Variants in SCN1A observed in about 807,000 individuals in gnomAD.
The protein encoded by SCN1A is sodium voltage-gated channel alpha subunit 1.
SCN1A carries 13 observed loss-of-function variants against 193.7 expected under a neutral mutation model. The observed-to-expected ratio is 0.07, with a 90% CI of 0.04 to 0.11. The LOEUF (loss-of-function observed/expected upper bound fraction) is 0.11. SCN1A is among the 10% of genes least tolerant of loss of function. The pLI is 1.00. For synonymous variants in SCN1A, 781 were observed against 843.6 expected, an observed-to-expected ratio of 0.93 and a Z score of 1.29; for missense variants, 1,432 against 2,451.1, an observed-to-expected ratio of 0.58 and a Z score of 8.78.
rs923771362 is a variant in SCN1A at position 166,087,363 on chromosome 2, G to A, written c.-141-9562C>T. On this transcript the variant is annotated intron_variant, in intron 2 of 28. Transcript: ENST00000674923. The stretch of plus-strand genomic sequence containing the variant: ...TGCCTATAATCCCAGCTACTTGGGA[G>A]GATGAGGCAGGAGAATCGCTTGAAC... Among the ~76,000 whole-genome samples, 6 of 152,102 alleles carry A rather than the reference G, an allele frequency of 3.9e-5. No homozygotes were observed. The East Asian group carries it at 9.6e-4, about 24-fold the overall frequency.
At chr2:166,059,106 G>C (rs367641266) in intron 4 of SCN1A, among the ~76,000 whole-genome samples, 1 of 151,976 alleles carries the variant, frequency 6.6e-6, no homozygotes, top group Non-Finnish European at 1.5e-5. Context: ...CCTGTGGAAC[G>C]CAAAATCATT....
chr2:166,050,426 A>G (rs1372344206), intron 9 of SCN1A, among the ~76,000 whole-genome samples: 1 of 151,076 alleles, frequency 6.6e-6, no homozygotes, highest in African/African-American at 2.4e-5. Context: ...ATGCAGTCCA[A>G]TAAATTTTCC....
chr2:166,055,815 A>G (rs1015873999), intron 6 of SCN1A, among the ~76,000 whole-genome samples: 1 of 151,974 alleles, frequency 6.6e-6, no homozygotes, highest in Non-Finnish European at 1.5e-5. Context: ...TCATCAATAT[A>G]GTTAGTAATG....
intron 9 of SCN1A, among the ~76,000 whole-genome samples, chr2:166,049,279 G>T (rs1191223696): frequency 6.6e-6 from 1 of 151,822 alleles, no homozygotes; most frequent in Non-Finnish European, 1.5e-5. Context: ...CTTTCAAAAA[G>T]GTATTAGCAT....
At position 166,012,135 on chromosome 2, in the gene SCN1A, A is replaced by C; in HGVS notation, c.3853T>G (p.Cys1285Gly). Residue 1285 changes from cysteine (C) to glycine (G), a missense_variant, in exon 22 of 29, where the codon TGT becomes GGT. By Grantham distance (159) the Cys-to-Gly change is radical. Transcript: ENST00000674923. ...GYQTYFTNAW[C>G]WLDFLIVDVS... ...TCAACAATTAAGAAGTCCAGCCAAC[A>C]CCAGGCATTGGTGAAATATGTTTGA... 1 of 1,610,228 alleles carries C rather than the reference A, an allele frequency of 6.2e-7. No individual in the cohort carries two copies. The highest frequency in any genetic ancestry group is 8.5e-7 in the Non-Finnish European group (1 of 1,177,200).
intron 19 of SCN1A, among the ~76,000 whole-genome samples, chr2:166,035,403 T>C (rs1696191900): frequency 6.6e-6 from 1 of 152,198 alleles, no homozygotes; most frequent in South Asian, 2.1e-4. Context: ...ATCAGTCATT[T>C]CCGAGTTAAA....
chr2:166,050,757 G>A (rs933438337), intron 9 of SCN1A, among the ~76,000 whole-genome samples: 7 of 149,946 alleles, frequency 4.7e-5, no homozygotes, highest in African/African-American at 1.5e-4. Flanking sequence ...AGGATTATAG[G>A]TGTGAGCCAC....
At chr2:166,023,934 C>T (rs1417089097) in intron 19 of SCN1A, among the ~76,000 whole-genome samples, 2 of 152,076 alleles carry the variant, frequency 1.3e-5, no homozygotes, top group East Asian at 3.9e-4. Context: ...TGCCACCATG[C>T]CTGGCTAATT....
intron 20 of SCN1A, among the ~76,000 whole-genome samples, chr2:166,014,938 A>AT (rs1217989253): frequency 6.6e-6 from 1 of 151,796 alleles, no homozygotes; most frequent in African/African-American, 2.4e-5. Flanking sequence ...TGAAAAGGAC[A>AT]TTAAGTGATA....
intron 9 of SCN1A, among the ~76,000 whole-genome samples, chr2:166,050,010 G>T (rs1698343101): frequency 6.6e-6 from 1 of 151,946 alleles, no homozygotes; most frequent in Non-Finnish European, 1.5e-5. Context: ...ACATAGTTCT[G>T]TACAGGACAC....
At chr2:166,010,184 G>A (rs1353475924) in intron 22 of SCN1A, among the ~76,000 whole-genome samples, 2 of 150,872 alleles carry the variant, frequency 1.3e-5, no homozygotes, top group East Asian at 1.9e-4. Context: ...ATTTTATTAA[G>A]TTGCTGTTGA....
intron 17 of SCN1A, among the ~76,000 whole-genome samples, chr2:166,038,571 C>G (rs1696758902): frequency 3.3e-5 from 5 of 152,066 alleles, no homozygotes; most frequent in Admixed American, 3.3e-4. Flanking sequence ...CTCCTGACCT[C>G]AAGTGATCCA....
chr2:166,143,357 G>A (rs1246858372), intron 1 of SCN1A, among the ~76,000 whole-genome samples: 3 of 151,780 alleles, frequency 2.0e-5, no homozygotes, highest in Non-Finnish European at 2.9e-5. Flanking sequence ...TAATAGAGAC[G>A]GGGTTTCACT....
chr2:165,989,032 G>GTGTA lies in SCN1A; in HGVS notation c.*2212_*2213insTACA, dbSNP rs1368201068. 2.9e-4 allele frequency: 5 copies of GTGTA among 17,270 alleles called. No individual in the cohort carries two copies. In the Admixed American group the frequency reaches 4.0e-3, roughly 14 times the overall value. 1.1% of individuals were successfully genotyped at this position (17,270 alleles called of 1,614,324 possible). On this transcript the variant is annotated 3_prime_UTR_variant, in exon 29 of 29. Coordinates refer to ENST00000674923, the MANE Select transcript of SCN1A (RefSeq NM_001165963.4). ...GTTGTCAACGTGGGTATGCCTCTGT[G>GTGTA]TGTGTGTGTGTGTGTGTGTGTGTGT...
intron 19 of SCN1A, among the ~76,000 whole-genome samples, chr2:166,032,971 G>A (rs75271254): frequency 6.6e-6 from 1 of 152,062 alleles, no homozygotes; most frequent in African/African-American, 2.4e-5. Context: ...CTTCAGAATG[G>A]TTTTATTAAG....
intron 26 of SCN1A, among the ~76,000 whole-genome samples, chr2:165,997,634 G>T (rs990678885): frequency 2.0e-5 from 3 of 151,366 alleles, no homozygotes; most frequent in African/African-American, 7.3e-5. Flanking sequence ...CTTACATCCA[G>T]TGCCTAATTT....
At chr2:166,015,907 T>G in intron 19 of SCN1A, 180 bp from the exon 20 acceptor site, 1 of 638,950 alleles carries the variant, frequency 1.6e-6, no homozygotes, top group East Asian at 3.0e-5. Flanking sequence ...TGCTAACCCT[T>G]TTACCATAAT....
Position 165,986,752 on chromosome 2 carries a change from A to G in SCN1A, c.*4493T>C, listed in dbSNP as rs1688638799. The stretch of plus-strand genomic sequence containing the variant: ...AAGACACACACACATCTATACTTTT[A>G]TCTATGTCTGTTTACATACATACAT... On this transcript the variant is annotated 3_prime_UTR_variant, in exon 29 of 29. Transcript: ENST00000674923. 6.6e-6 allele frequency: 1 copy of G among 150,576 alleles called. No individual in the cohort carries two copies. 9.3% of individuals were successfully genotyped at this position (150,576 alleles called of 1,614,324 possible).
intron 2 of SCN1A, among the ~76,000 whole-genome samples, chr2:166,078,789 C>G (rs907147543): frequency 4.6e-5 from 7 of 151,504 alleles, no homozygotes; most frequent in African/African-American, 1.7e-4. Context: ...CTATTTGAGA[C>G]TTCATGTGGA....
Sources: allele counts gnomAD v4.1 joint callset (sites outside exome capture counted in the v4.1 genomes callset), GRCh38; gene constraint gnomAD v4.1.1; transcripts MANE v1.5; gene names NCBI Gene and HGNC (gene_info 2026-07-23, HGNC 2026-07-21).